Variants in PINX1 observed in about 807,000 individuals in gnomAD.
The protein encoded by PINX1 is PIN2 (TERF1) interacting telomerase inhibitor 1, also known as PIN2/TERF1-interacting telomerase inhibitor 1.
PINX1 carries 34 observed loss-of-function variants against 25.4 expected under a neutral mutation model. That is an observed-to-expected ratio of 1.34 (90% confidence interval 1.02 to 1.78). The LOEUF (loss-of-function observed/expected upper bound fraction) is 1.78, where lower values mean the gene tolerates loss of function less well. Among genes scored for constraint, PINX1 ranks in the 40% most tolerant of loss-of-function variants. PINX1 has a pLI of 0.00. For synonymous variants in PINX1, 197 were observed against 147.7 expected (o/e 1.33, Z -2.42); for missense variants, 592 against 404.9 (o/e 1.46, Z -3.97).
intron 5 of PINX1, among the ~76,000 whole-genome samples, chr8:10,824,119 T>G (rs576485288): frequency 6.6e-6 from 1 of 152,328 alleles, no homozygotes; most frequent in African/African-American, 2.4e-5. Context: ...TCATTTCTAA[T>G]AAATCATAAA....
At chr8:10,829,963 G>A (rs531692587) in intron 4 of PINX1, among the ~76,000 whole-genome samples, 4 of 152,048 alleles carry the variant, frequency 2.6e-5, no homozygotes, top group African/African-American at 7.2e-5. Flanking sequence ...GTATTACACC[G>A]TGCCCAGCCA....
At chr8:10,795,407 C>T (rs972465446) in intron 6 of PINX1, among the ~76,000 whole-genome samples, 2 of 152,194 alleles carry the variant, frequency 1.3e-5, no homozygotes, top group Non-Finnish European at 2.9e-5. Flanking sequence ...AAAAGTCTCT[C>T]TCCCCCACAC....
intron 6 of PINX1, 108 bp from the exon 7 acceptor site, chr8:10,766,024 C>T (rs71516594): frequency 1.3e-5 from 13 of 1,035,788 alleles, no homozygotes; most frequent in African/African-American, 1.6e-5. Context: ...CCACACCCGG[C>T]GCTCACACCC....
chr8:10,789,351 C>A, intron 6 of PINX1, among the ~76,000 whole-genome samples: 1 of 152,178 alleles, frequency 6.6e-6, no homozygotes, highest in East Asian at 1.9e-4. Context: ...ATGTTTTGAC[C>A]TACATATACA....
At chr8:10,839,487 A>C (rs7012199) in intron 1 of PINX1, among the ~76,000 whole-genome samples, 82,246 of 152,080 alleles carry the variant, frequency 0.54, 23,157 homozygotes, top group African/African-American at 0.63. Context: ...TTCGCACGCG[A>C]CCCAGGGTGA....
intron 6 of PINX1, among the ~76,000 whole-genome samples, chr8:10,768,196 C>T (rs1334262119): frequency 3.3e-5 from 5 of 152,226 alleles, no homozygotes; most frequent in Non-Finnish European, 7.3e-5. Flanking sequence ...GTTTATGCAA[C>T]AGAAGTCTCA....
chr8:10,835,150 G>A (rs971454380), intron 1 of PINX1, among the ~76,000 whole-genome samples: 1 of 152,196 alleles, frequency 6.6e-6, no homozygotes, highest in African/African-American at 2.4e-5. Flanking sequence ...CAGCATTACA[G>A]CTTCCATTGC....
At chr8:10,769,478 T>C (rs1801159277) in intron 6 of PINX1, among the ~76,000 whole-genome samples, 1 of 152,186 alleles carries the variant, frequency 6.6e-6, no homozygotes, top group South Asian at 2.1e-4. Flanking sequence ...CTGGAGCACC[T>C]GTTCCCCAGT....
In PINX1 at chr8:10,765,818, C is replaced by T. The variant is rs1158448170; in HGVS notation, c.570G>A (p.Lys190=). ...EYFAKRMAAL[K]NKPQVPVPGS... ...CTGGAACTGGAACCTGGGGCTTGTT[C>T]TTCAGTGCTGCCATCCGCTTGGCAA... Residue 190 remains lysine (K), a synonymous_variant, in exon 7 of 7, where the codon AAG becomes AAA. Transcript: ENST00000314787. 6.2e-7 allele frequency: 1 copy of T among 1,613,986 alleles called. No individual in the cohort carries two copies. The highest frequency in any genetic ancestry group is 8.5e-7 in the Non-Finnish European group (1 of 1,179,904).
chr8:10,818,063 G>A (rs1797754615), intron 6 of PINX1, among the ~76,000 whole-genome samples: 1 of 152,190 alleles, frequency 6.6e-6, no homozygotes, highest in Non-Finnish European at 1.5e-5. Context: ...GGCAATGCCA[G>A]GACGACCTTG....
intron 6 of PINX1, among the ~76,000 whole-genome samples, chr8:10,800,005 G>A (rs1024950252): frequency 2.0e-4 from 31 of 152,192 alleles, no homozygotes; most frequent in African/African-American, 6.8e-4. Flanking sequence ...GGGCAGAGCC[G>A]AGACTGCGAT....
At chr8:10,772,453 G>C (rs943465693) in intron 6 of PINX1, among the ~76,000 whole-genome samples, 2 of 152,152 alleles carry the variant, frequency 1.3e-5, no homozygotes, top group Non-Finnish European at 2.9e-5. Flanking sequence ...CTTTTCCTTC[G>C]TGGTTTCCAT....
In PINX1 at chr8:10,775,417, T is replaced by TTTTTTG. The variant is rs1801360214; in HGVS notation, c.472-9502_472-9501insCAAAAA. On this transcript the variant is annotated intron_variant, in intron 6 of 6. Coordinates refer to ENST00000314787, the MANE Select transcript of PINX1 (RefSeq NM_017884.6). ...AGTTCTGTCTGTTTTGTGGTTTTTT[T>TTTTTTG]TTTTTTTTTTTTTTTTTTTTTTTGC... Among the ~76,000 whole-genome samples the TTTTTTG allele has an allele frequency of 2.1e-5, 3 of 146,152 alleles. No individual in the cohort carries two copies. In the South Asian group the frequency reaches 6.6e-4, roughly 32 times the overall value.
At chr8:10,811,110 G>A (rs892301914) in intron 6 of PINX1, among the ~76,000 whole-genome samples, 4 of 152,238 alleles carry the variant, frequency 2.6e-5, no homozygotes, top group South Asian at 2.1e-4. Flanking sequence ...TGGGCACTTC[G>A]CTAAGAGTTC....
In PINX1 at chr8:10,785,049, G is replaced by A. The variant is rs576938251; in HGVS notation, c.472-19133C>T. 1.2e-4 allele frequency among the ~76,000 whole-genome samples: 19 copies of A among 152,084 alleles called. No homozygotes were observed. In the East Asian group the frequency reaches 2.1e-3, roughly 17 times the overall value. On this transcript the variant is annotated intron_variant, in intron 6 of 6. Transcript: ENST00000314787. ...CTGATCCCTAATAAACATAAAGAGCGTATCATTTAAATCTTACCAAGGAAA... is the reference window on the plus strand; with the variant it reads ...CTGATCCCTAATAAACATAAAGAGCATATCATTTAAATCTTACCAAGGAAA...
rs576157905 is a variant in PINX1, at chr8:10,799,828, G to A, written c.471+20365C>T. Among the ~76,000 whole-genome samples, 3 of 152,292 alleles carry A rather than the reference G, an allele frequency of 2.0e-5. No individual in the cohort carries two copies. The South Asian group carries it at 6.2e-4, about 32-fold the overall frequency. On this transcript the variant is annotated intron_variant, in intron 6 of 6. Transcript: ENST00000314787. ...ACATGGATGCTGGGAATTTTACTGGGCAAAGTAGGTTTTTTCCAAGTTAGG... is the reference window on the plus strand; with the variant it reads ...ACATGGATGCTGGGAATTTTACTGGACAAAGTAGGTTTTTTCCAAGTTAGG...
chr8:10,804,498 T>C (rs1391388915), intron 6 of PINX1, among the ~76,000 whole-genome samples: 1 of 151,946 alleles, frequency 6.6e-6, no homozygotes, highest in Non-Finnish European at 1.5e-5. Flanking sequence ...TTAAGGGAGC[T>C]GCATCTGTCA....
At chr8:10,826,297 TA>T (rs1798039264) in intron 4 of PINX1, 53 bp from the exon 5 acceptor site, 1 of 988,834 alleles carries the variant, frequency 1.0e-6, no homozygotes, top group Non-Finnish European at 1.5e-6. Context: ...CAATCTCATT[TA>T]TTCTCCTAAC....
At chr8:10,816,129 G>C (rs563637855) in intron 6 of PINX1, among the ~76,000 whole-genome samples, 1 of 152,284 alleles carries the variant, frequency 6.6e-6, no homozygotes, top group East Asian at 1.9e-4. Flanking sequence ...TAATGAAATA[G>C]TTCAGGATCT....
Sources: gnomAD v4.1 joint callset for allele counts (sites outside exome capture counted in the v4.1 genomes callset) on GRCh38, gnomAD v4.1.1 for gene constraint, MANE v1.5 for transcripts, NCBI Gene and HGNC (gene_info 2026-07-23, HGNC 2026-07-21) for gene names.